EEFSEC: variants seen among roughly 807,000 people sequenced by gnomAD.
EEFSEC encodes selenocysteine-specific elongation factor.
EEFSEC carries 43 observed loss-of-function variants against 42.1 expected under a neutral mutation model. That is an observed-to-expected ratio of 1.02 (90% CI 0.80 to 1.32). EEFSEC has a LOEUF of 1.32. Among genes scored for constraint, EEFSEC ranks in the 40% most tolerant of loss-of-function variants. The pLI is 0.00. For missense variants in EEFSEC, 745 were observed against 803.6 expected (o/e 0.93, Z 0.88); for synonymous variants, 354 against 339.1 (o/e 1.04, Z -0.48).
intron 1 of EEFSEC, among the ~76,000 whole-genome samples, chr3:128,222,034 T>TTG (rs1227458333): frequency 7.0e-6 from 1 of 143,406 alleles, no homozygotes; most frequent in Non-Finnish European, 1.5e-5. Context: ...AGTTTTTTTT[T>TTG]TTTTTTTTTT....
intron 1 of EEFSEC, among the ~76,000 whole-genome samples, chr3:128,191,617 C>G (rs2065525375): frequency 6.6e-6 from 1 of 152,186 alleles, no homozygotes; most frequent in Non-Finnish European, 1.5e-5. Flanking sequence ...AACACTACCT[C>G]CCCATTCTCC....
chr3:128,375,207 C>T (rs2067695830), intron 6 of EEFSEC, among the ~76,000 whole-genome samples: 2 of 152,220 alleles, frequency 1.3e-5, no homozygotes, highest in African/African-American at 4.8e-5. Context: ...TCTTCCTCTT[C>T]ACAGGGGCTG....
intron 6 of EEFSEC, among the ~76,000 whole-genome samples, chr3:128,398,845 AGGGTGG>A (rs10598100): frequency 0.14 from 21,261 of 152,024 alleles, 1,697 homozygotes; most frequent in East Asian, 0.34. Context: ...GCCACTCCAC[AGGGTGG>A]GGGATCCCAT....
intron 5 of EEFSEC, among the ~76,000 whole-genome samples, chr3:128,357,402 G>A (rs909958793): frequency 1.3e-5 from 2 of 152,242 alleles, no homozygotes; most frequent in South Asian, 2.1e-4. Flanking sequence ...AGACAGCAGC[G>A]GCCAACATGG....
intron 4 of EEFSEC, among the ~76,000 whole-genome samples, chr3:128,334,643 AGCT>A (rs1256102734): frequency 2.0e-5 from 3 of 152,244 alleles, no homozygotes; most frequent in African/African-American, 4.8e-5. Flanking sequence ...AGGATGGCAA[AGCT>A]TCTTTGTTAA....
rs970087442 is a variant in EEFSEC, at chr3:128,382,894, A to G, written c.1600+24521A>G. Among the ~76,000 whole-genome samples, 3 of 152,160 alleles carry G rather than the reference A, an allele frequency of 2.0e-5. No homozygotes were observed. In the South Asian group the frequency reaches 6.2e-4, roughly 31 times the overall value. On this transcript the variant is annotated intron_variant, in intron 6 of 6. Transcript: ENST00000254730. Reference sequence around the variant, plus strand: ...TCCCCTGACCCTGGCGGGAAATTCAACCCAGCTCATTTGTCCACACAAGGG... The same window carrying G: ...TCCCCTGACCCTGGCGGGAAATTCAGCCCAGCTCATTTGTCCACACAAGGG...
At chr3:128,166,358 C>T (rs1022907953) in intron 1 of EEFSEC, among the ~76,000 whole-genome samples, 4 of 152,208 alleles carry the variant, frequency 2.6e-5, no homozygotes, top group East Asian at 1.9e-4. Context: ...TACAGTGGCA[C>T]GGTCCAACAT....
the EEFSEC span, among the ~76,000 whole-genome samples, chr3:128,415,727 G>T: frequency 3.3e-5 from 5 of 152,350 alleles, no homozygotes; most frequent in South Asian, 1.0e-3. Context: ...GTGGGAGGAA[G>T]AGAAGCAGGT....
At chr3:128,264,560 C>T in intron 3 of EEFSEC, 57 bp from the exon 4 acceptor site, 1 of 1,581,476 alleles carries the variant, frequency 6.3e-7, no homozygotes, top group South Asian at 1.2e-5. Flanking sequence ...CCTTCCTCTG[C>T]CCTGCCCCAT....
chr3:128,301,540 C>G (rs2066768544), intron 4 of EEFSEC, among the ~76,000 whole-genome samples: 1 of 152,162 alleles, frequency 6.6e-6, no homozygotes, highest in Non-Finnish European at 1.5e-5. Flanking sequence ...AGGAGGCCAT[C>G]AGGATGTCAA....
At chr3:128,358,398 T>C in intron 6 of EEFSEC, 25 bp downstream of exon 6, 1 of 1,613,240 alleles carries the variant, frequency 6.2e-7, no homozygotes, top group Non-Finnish European at 8.5e-7. Flanking sequence ...TTCCTCCCGG[T>C]TTAGGGACAC....
intron 6 of EEFSEC, among the ~76,000 whole-genome samples, chr3:128,364,221 A>G (rs570768808): frequency 6.6e-6 from 1 of 152,262 alleles, no homozygotes; most frequent in South Asian, 2.1e-4. Context: ...CGGGCGGGGG[A>G]TACTGAGATC....
chr3:128,425,925 C>T, the EEFSEC span, among the ~76,000 whole-genome samples: 1 of 152,028 alleles, frequency 6.6e-6, no homozygotes, highest in Non-Finnish European at 1.5e-5. Flanking sequence ...GGTTTCCAGG[C>T]GGGGGCCCAG....
chr3:128,389,746 T>C (rs576039113), intron 6 of EEFSEC, among the ~76,000 whole-genome samples: 1 of 152,378 alleles, frequency 6.6e-6, no homozygotes, highest in South Asian at 2.1e-4. Flanking sequence ...AGGCCTTGGC[T>C]TAACGCCGAG....
In EEFSEC at chr3:128,317,299, G is replaced by A. The variant is rs2066957462; in HGVS notation, c.787-23934G>A. Among the ~76,000 whole-genome samples the A allele has an allele frequency of 6.6e-6, 1 of 152,202 alleles. No homozygotes were observed. The highest frequency in any genetic ancestry group is 1.5e-5 in the Non-Finnish European group (1 of 68,032). ...GGTTTTCTTCCTTCATACACACGGT[G>A]TGCTCACATGCAGTGCGTCCCCAGA... On this transcript the variant is annotated intron_variant, in intron 4 of 6. Coordinates refer to ENST00000254730, the MANE Select transcript of EEFSEC (RefSeq NM_021937.5). The surrounding 1 kb of genome is among the most constrained non-coding windows in gnomAD (Gnocchi z 4.1).
rs546473703 is a variant in EEFSEC, at chr3:128,336,177, A to C, written c.787-5056A>C. On this transcript the variant is annotated intron_variant, in intron 4 of 6. Transcript: ENST00000254730. ...TCCCTGCTCCCACCTAGCATGAGGC[A>C]GATCCTCAAACTAGAAACCTGGGAG... is the stretch of plus-strand genomic sequence containing the variant. Among the ~76,000 whole-genome samples, 5 of 152,238 alleles carry C rather than the reference A, an allele frequency of 3.3e-5. No individual in the cohort carries two copies. In the East Asian group the frequency reaches 5.8e-4, roughly 18 times the overall value.
At chr3:128,223,576 T>C (rs1245713437) in intron 1 of EEFSEC, among the ~76,000 whole-genome samples, 1 of 152,188 alleles carries the variant, frequency 6.6e-6, no homozygotes, top group East Asian at 1.9e-4. Context: ...TATTTCCAAT[T>C]GTGTTATAAA....
chr3:128,162,832 GT>G (rs1287575814), intron 1 of EEFSEC, among the ~76,000 whole-genome samples: 2 of 152,176 alleles, frequency 1.3e-5, no homozygotes, highest in Admixed American at 1.3e-4. Flanking sequence ...TTGCTGGAAG[GT>G]TATAATCAAA....
At chr3:128,318,396 G>T (rs760072768) in intron 4 of EEFSEC, among the ~76,000 whole-genome samples, 1 of 152,162 alleles carries the variant, frequency 6.6e-6, no homozygotes, top group Non-Finnish European at 1.5e-5. Context: ...GTGCAGTGGG[G>T]ACAGATGTCC....
Sources: gnomAD v4.1 joint callset for allele counts (sites outside exome capture counted in the v4.1 genomes callset) on GRCh38, gnomAD v4.1.1 for gene constraint, Gnocchi (gnomAD v3.1) non-coding constraint, MANE v1.5 for transcripts, NCBI Gene and HGNC (gene_info 2026-07-23, HGNC 2026-07-21) for gene names.